MYT1L: variants seen among roughly 807,000 people sequenced by gnomAD.
MYT1L encodes the protein myelin transcription factor 1-like protein.
Under a neutral mutation model 126.7 loss-of-function variants are expected in MYT1L, and 12 were observed. That is an observed-to-expected ratio of 0.09 (90% CI 0.06 to 0.15). The LOEUF is 0.15. Among genes scored for constraint, MYT1L ranks in the 10% least tolerant of loss-of-function variants. The probability of loss-of-function intolerance (pLI) is 1.00; values close to 1 mark genes in which losing one functional copy is unlikely to be tolerated. For missense variants in MYT1L, 979 were observed against 1,585.2 expected, an observed-to-expected ratio of 0.62 and a Z score of 6.49; for synonymous variants, 541 against 604.2, an observed-to-expected ratio of 0.90 and a Z score of 1.53.
chr2:2,191,881 C>A (rs962257496), intron 2 of MYT1L, among the ~76,000 whole-genome samples: 1 of 152,188 alleles, frequency 6.6e-6, no homozygotes, highest in Non-Finnish European at 1.5e-5. Flanking sequence ...TGCTGCACAA[C>A]CTCCAGCATA....
At chr2:1,949,688 C>T (rs544595620) in intron 8 of MYT1L, among the ~76,000 whole-genome samples, 409 of 152,288 alleles carry the variant, frequency 2.7e-3, no homozygotes, top group Middle Eastern at 0.01. Context: ...CCAAACTTGG[C>T]AGCGTGTGCT....
intron 5 of MYT1L, among the ~76,000 whole-genome samples, chr2:1,991,182 C>T (rs1243158926): frequency 6.6e-6 from 1 of 152,216 alleles, no homozygotes; most frequent in Non-Finnish European, 1.5e-5. Flanking sequence ...CCATTGAAAT[C>T]TCTGCTCGCT....
At position 1,988,164 on chromosome 2, in the gene MYT1L, C is replaced by T. The variant is rs1332928846; in HGVS notation, c.1-8387G>A. Among the ~76,000 whole-genome samples the T allele has an allele frequency of 5.3e-5, 8 of 152,138 alleles. No individual in the cohort carries two copies. In the East Asian group the frequency reaches 1.4e-3, roughly 26 times the overall value. ...GTAGAAACGGTGCCACATTCCCACCCTCCCGCCAGCCCAGCTGCACCTACA... is the reference window on the plus strand; with the variant it reads ...GTAGAAACGGTGCCACATTCCCACCTTCCCGCCAGCCCAGCTGCACCTACA... On this transcript the variant is annotated intron_variant, in intron 5 of 24. Transcript: ENST00000647738.
chr2:1,863,563 A>T (rs554166464), intron 18 of MYT1L, among the ~76,000 whole-genome samples: 20 of 152,036 alleles, frequency 1.3e-4, no homozygotes, highest in East Asian at 5.8e-4. Flanking sequence ...CGCCAGCCCG[A>T]CCCCCGGAAG....
At chr2:2,058,514 G>A (rs2069922861) in intron 3 of MYT1L, among the ~76,000 whole-genome samples, 2 of 152,174 alleles carry the variant, frequency 1.3e-5, no homozygotes, top group South Asian at 4.1e-4. Flanking sequence ...CCACGGAAAA[G>A]CTACATTCCA....
At chr2:1,948,067 CAT>C (rs1453998116) in intron 8 of MYT1L, among the ~76,000 whole-genome samples, 1 of 152,230 alleles carries the variant, frequency 6.6e-6, no homozygotes, top group Non-Finnish European at 1.5e-5. Flanking sequence ...TAAAGCTTTA[CAT>C]GTTTTAAATT....
intron 23 of MYT1L, among the ~76,000 whole-genome samples, chr2:1,796,401 C>T (rs1207333050): frequency 4.6e-5 from 7 of 152,170 alleles, no homozygotes; most frequent in African/African-American, 1.2e-4. Flanking sequence ...TGCCCATGCC[C>T]GTGCTGACCA....
At chr2:2,063,839 T>C (rs905418765) in intron 3 of MYT1L, among the ~76,000 whole-genome samples, 10 of 151,898 alleles carry the variant, frequency 6.6e-5, no homozygotes, top group Admixed American at 6.5e-4. Flanking sequence ...AGTGAAACTC[T>C]GTCTCAAAAA....
intron 3 of MYT1L, among the ~76,000 whole-genome samples, chr2:2,080,112 T>C (rs934628699): frequency 1.3e-5 from 2 of 152,190 alleles, no homozygotes; most frequent in African/African-American, 2.4e-5. Flanking sequence ...AACAACTGGG[T>C]ATCCACATAC....
intron 19 of MYT1L, among the ~76,000 whole-genome samples, chr2:1,850,316 G>A (rs541316290): frequency 5.6e-4 from 85 of 151,154 alleles, no homozygotes; most frequent in African/African-American, 1.7e-3. Context: ...CCTCATCTGC[G>A]TCTGGACTGC....
chr2:1,806,155 A>G lies in MYT1L; in HGVS notation c.3172+2921T>C, dbSNP rs2035674186. ...ACATGGAAATGATGCCTGGGCACAC[A>G]ACTGTGCTCTGGGGGTAAGAAAGAA... On this transcript the variant is annotated intron_variant, in intron 22 of 24. Coordinates refer to ENST00000647738, the MANE Select transcript of MYT1L (RefSeq NM_001303052.2). The surrounding 1 kb of genome is among the most constrained non-coding windows in gnomAD (Gnocchi z 4.9). 6.6e-6 allele frequency among the ~76,000 whole-genome samples: 1 copy of G among 152,134 alleles called. No homozygotes were observed. Among genetic ancestry groups the G allele is most frequent in the Non-Finnish European group, 1.5e-5 (1 of 68,020 alleles).
intron 2 of MYT1L, among the ~76,000 whole-genome samples, chr2:2,207,039 G>A (rs1160768551): frequency 6.6e-6 from 1 of 152,160 alleles, no homozygotes. Context: ...CAGTGTTAAT[G>A]AATCAACAAT....
At chr2:2,225,427 C>T (rs139894756) in intron 2 of MYT1L, among the ~76,000 whole-genome samples, 12 of 152,332 alleles carry the variant, frequency 7.9e-5, no homozygotes, top group South Asian at 4.1e-4. Context: ...ACCACCTCCC[C>T]GTCCACTCTC....
At chr2:2,204,371 G>A (rs1450272407) in intron 2 of MYT1L, among the ~76,000 whole-genome samples, 1 of 151,060 alleles carries the variant, frequency 6.6e-6, no homozygotes, top group African/African-American at 2.4e-5. Flanking sequence ...ATCTGACAAA[G>A]GGCTAATATC....
At chr2:1,797,083 C>T (rs572248499) in intron 23 of MYT1L, among the ~76,000 whole-genome samples, 32 of 152,254 alleles carry the variant, frequency 2.1e-4, no homozygotes, top group African/African-American at 7.5e-4. Flanking sequence ...AGAACCAAGG[C>T]TTGGGTGTGT....
chr2:2,295,093 G>A (rs987891555), intron 1 of MYT1L, among the ~76,000 whole-genome samples: 4 of 152,096 alleles, frequency 2.6e-5, no homozygotes, highest in African/African-American at 4.8e-5. Context: ...TCTATGATCC[G>A]CCTTTCCTGA....
chr2:1,963,703 C>T (rs1414601870), intron 8 of MYT1L, among the ~76,000 whole-genome samples: 1 of 152,228 alleles, frequency 6.6e-6, no homozygotes, highest in African/African-American at 2.4e-5. Flanking sequence ...TTCCCTGAAA[C>T]CTCATAAACC....
At chr2:2,092,295 G>A (rs926371571) in intron 3 of MYT1L, among the ~76,000 whole-genome samples, 1 of 100,384 alleles carries the variant, frequency 1.0e-5, no homozygotes, top group Non-Finnish European at 1.9e-5. Flanking sequence ...GAATAGGGAG[G>A]TCAGTTTAGA....
chr2:2,281,976 A>G (rs962939294), intron 2 of MYT1L, among the ~76,000 whole-genome samples: 13 of 152,350 alleles, frequency 8.5e-5, no homozygotes, highest in East Asian at 3.9e-4. Flanking sequence ...GGCGTTTAGT[A>G]TAACGAACAC....
Sources: gnomAD v4.1 joint callset for allele counts (sites outside exome capture counted in the v4.1 genomes callset) on GRCh38, gnomAD v4.1.1 for gene constraint, Gnocchi (gnomAD v3.1) non-coding constraint, MANE v1.5 for transcripts, NCBI Gene and HGNC (gene_info 2026-07-23, HGNC 2026-07-21) for gene names.